NOL10: variants seen among roughly 807,000 people sequenced by gnomAD.
NOL10 encodes the protein nucleolar protein 10.
In NOL10, 58 loss-of-function variants were observed where a neutral mutation model predicts 103.5. The observed-to-expected ratio is 0.56, with a 90% CI of 0.45 to 0.70. The LOEUF is 0.70. NOL10 is among the 30% of genes least tolerant of loss of function. The probability of loss-of-function intolerance (pLI) is 0.00; values close to 1 mark genes in which losing one functional copy is unlikely to be tolerated. For synonymous variants in NOL10, 287 were observed against 282.5 expected (o/e 1.02, Z -0.16); for missense variants, 763 against 807.3 (o/e 0.95, Z 0.67).
At chr2:10,579,664 ATTC>A (rs771855713) in intron 19 of NOL10, among the ~76,000 whole-genome samples, 2 of 151,280 alleles carry the variant, frequency 1.3e-5, no homozygotes, top group African/African-American at 2.4e-5. Context: ...TGTTCATGTC[ATTC>A]TTCTTCTTTC....
At chr2:10,597,960 A>C (rs1290741995) in intron 17 of NOL10, among the ~76,000 whole-genome samples, 1 of 152,236 alleles carries the variant, frequency 6.6e-6, no homozygotes, top group East Asian at 1.9e-4. Context: ...TAATTAGAGA[A>C]TATGTAGCAA....
At chr2:10,679,686 C>T (rs1681591826) in intron 3 of NOL10, among the ~76,000 whole-genome samples, 1 of 152,070 alleles carries the variant, frequency 6.6e-6, no homozygotes, top group South Asian at 2.1e-4. Flanking sequence ...AGCGCAGTGG[C>T]GCGATCCTGG....
intron 13 of NOL10, among the ~76,000 whole-genome samples, chr2:10,638,712 T>C (rs4356638): frequency 0.96 from 143,730 of 149,558 alleles, 69,124 homozygotes; most frequent in African/African-American, 0.98. Flanking sequence ...AGGTTGGTCT[T>C]GAACTCCTGA....
intron 14 of NOL10, 114 bp from the exon 15 acceptor site, chr2:10,603,271 T>G (rs1676082638): frequency 6.9e-6 from 5 of 728,924 alleles, no homozygotes; most frequent in East Asian, 5.4e-5. Context: ...GACTAAAAAT[T>G]TAAGGATTAG....
intron 13 of NOL10, among the ~76,000 whole-genome samples, chr2:10,639,668 T>C (rs1437515995): frequency 6.6e-6 from 1 of 152,110 alleles, no homozygotes; most frequent in East Asian, 1.9e-4. Context: ...GAAGTCTACA[T>C]AGTTGCCAAG....
intron 19 of NOL10, among the ~76,000 whole-genome samples, chr2:10,583,936 C>A (rs1674891411): frequency 6.6e-6 from 1 of 152,114 alleles, no homozygotes; most frequent in Admixed American, 6.5e-5. Context: ...AAAGTATTTA[C>A]AACACTAGGG....
At chr2:10,621,872 G>A (rs941189909) in intron 13 of NOL10, among the ~76,000 whole-genome samples, 7 of 152,240 alleles carry the variant, frequency 4.6e-5, no homozygotes, top group African/African-American at 1.7e-4. Context: ...GTGGTCTAAG[G>A]AAGTAGCCTA....
intron 13 of NOL10, among the ~76,000 whole-genome samples, chr2:10,629,237 T>C (rs1158277847): frequency 6.6e-6 from 1 of 151,896 alleles, no homozygotes; most frequent in African/African-American, 2.4e-5. Context: ...CACTAAAATA[T>C]CCCAAATGCA....
chr2:10,587,250 T>C (rs181661885), intron 19 of NOL10, among the ~76,000 whole-genome samples: 5 of 44,804 alleles, frequency 1.1e-4, no homozygotes, highest in Admixed American at 2.5e-4. Flanking sequence ...CATACATATA[T>C]ATATATACAC....
chr2:10,633,244 T>A (rs149041948), intron 13 of NOL10, among the ~76,000 whole-genome samples: 15 of 152,080 alleles, frequency 9.9e-5, no homozygotes, highest in African/African-American at 3.6e-4. Context: ...TATTCCGTTA[T>A]TTTTTTGAGA....
chr2:10,688,202 C>G (rs1447101828), intron 1 of NOL10, among the ~76,000 whole-genome samples: 1 of 152,168 alleles, frequency 6.6e-6, no homozygotes, highest in Non-Finnish European at 1.5e-5. Flanking sequence ...CCCAAGCCAC[C>G]GAAGTCGCTC....
Position 10,689,886 on chromosome 2 carries a change from C to A in NOL10, c.-25G>T. ...TGGCGCCGCACAACACTGTTCAAGT[C>A]CCGGGTCCTTTCCCACCAGCGTGCT... is the stretch of plus-strand genomic sequence containing the variant. On this transcript the variant is annotated 5_prime_UTR_variant, in exon 1 of 21. Coordinates refer to ENST00000381685, the MANE Select transcript of NOL10 (RefSeq NM_024894.4). The A allele has an allele frequency of 6.3e-7, 1 of 1,593,120 alleles. No homozygotes were observed. Among genetic ancestry groups the A allele is most frequent in the Non-Finnish European group, 8.5e-7 (1 of 1,169,906 alleles).
At chr2:10,587,917 G>A (rs570741048) in intron 19 of NOL10, among the ~76,000 whole-genome samples, 4 of 152,126 alleles carry the variant, frequency 2.6e-5, no homozygotes, top group Non-Finnish European at 4.4e-5. Flanking sequence ...GTACAGAAAT[G>A]TACTGACCCC....
chr2:10,586,774 T>C (rs887433964), intron 19 of NOL10, among the ~76,000 whole-genome samples: 1 of 152,040 alleles, frequency 6.6e-6, no homozygotes, highest in Non-Finnish European at 1.5e-5. Context: ...TCCTTATGAT[T>C]TTCTTAATAA....
At chr2:10,642,721 C>T (rs987315422) in intron 13 of NOL10, among the ~76,000 whole-genome samples, 3 of 152,132 alleles carry the variant, frequency 2.0e-5, no homozygotes, top group African/African-American at 4.8e-5. Flanking sequence ...CTCCACCCCA[C>T]CCCTTCACCC....
chr2:10,669,821 G>A (rs892609272), intron 6 of NOL10, among the ~76,000 whole-genome samples: 8 of 151,890 alleles, frequency 5.3e-5, no homozygotes, highest in Non-Finnish European at 4.4e-5. Flanking sequence ...GAACCTGGGA[G>A]GTGGAGGTTA....
chr2:10,651,612 A>G (rs184537246), intron 12 of NOL10, among the ~76,000 whole-genome samples: 11 of 152,196 alleles, frequency 7.2e-5, no homozygotes, highest in Admixed American at 4.6e-4. Flanking sequence ...AGTGGCTACC[A>G]AACTGTACAG....
chr2:10,655,406 G>A (rs1679781567), intron 11 of NOL10, among the ~76,000 whole-genome samples: 1 of 152,166 alleles, frequency 6.6e-6, no homozygotes, highest in Non-Finnish European at 1.5e-5. Context: ...GTTTCGAGGA[G>A]GATCAAGTGA....
intron 17 of NOL10, among the ~76,000 whole-genome samples, chr2:10,597,250 T>C (rs1675740281): frequency 6.6e-6 from 1 of 152,234 alleles, no homozygotes; most frequent in African/African-American, 2.4e-5. Flanking sequence ...ATATCAACCA[T>C]ACAGTAAACA....
Sources: allele counts gnomAD v4.1 joint callset (sites outside exome capture counted in the v4.1 genomes callset), GRCh38; gene constraint gnomAD v4.1.1; transcripts MANE v1.5; gene names NCBI Gene and HGNC (gene_info 2026-07-23, HGNC 2026-07-21).